ARL15: variants seen among roughly 807,000 people sequenced by gnomAD.
ARL15 encodes ADP-ribosylation factor-like protein 15.
A neutral mutation model predicts 25.2 loss-of-function variants in ARL15; 19 were observed. The observed-to-expected ratio is 0.75, with a 90% CI of 0.53 to 1.10. The LOEUF (loss-of-function observed/expected upper bound fraction) is 1.10, where lower values mean the gene tolerates loss of function less well. ARL15 is among the 50% of genes least tolerant of loss of function. The pLI is 0.00. For missense variants in ARL15, 220 were observed against 246.0 expected, an observed-to-expected ratio of 0.89 and a Z score of 0.71; for synonymous variants, 94 against 86.8, an observed-to-expected ratio of 1.08 and a Z score of -0.46.
At chr5:54,014,813 T>A (rs1368767588) in intron 4 of ARL15, among the ~76,000 whole-genome samples, 2 of 151,968 alleles carry the variant, frequency 1.3e-5, no homozygotes, top group African/African-American at 4.8e-5. Flanking sequence ...AGATCGTATA[T>A]AAGCTTCTGA....
chr5:54,190,189 G>A (rs1436535487), intron 1 of ARL15, among the ~76,000 whole-genome samples: 5 of 152,010 alleles, frequency 3.3e-5, no homozygotes, highest in East Asian at 1.9e-4. Flanking sequence ...TCAGGAGTTC[G>A]AGACCAGCCT....
At chr5:53,993,567 C>A in intron 4 of ARL15, among the ~76,000 whole-genome samples, 1 of 152,116 alleles carries the variant, frequency 6.6e-6, no homozygotes, top group East Asian at 1.9e-4. Context: ...CTTTCTGCAC[C>A]TTTTACCTTG....
chr5:54,310,415 C>A lies in ARL15; in HGVS notation c.48+17G>T. 6.2e-7 allele frequency: 1 copy of A among 1,607,436 alleles called. No individual in the cohort carries two copies. The highest frequency in any genetic ancestry group is 8.5e-7 in the Non-Finnish European group (1 of 1,177,104). On this transcript the variant is annotated intron_variant, in intron 1 of 4. Transcript: ENST00000504924. ...CGAGATCCGAGAGGCGACATGCCACCCCTGCCCTGCACCTACCAGATAATC... is the reference window on the plus strand; with the variant it reads ...CGAGATCCGAGAGGCGACATGCCACACCTGCCCTGCACCTACCAGATAATC...
At chr5:53,924,802 T>C (rs907266509) in intron 4 of ARL15, among the ~76,000 whole-genome samples, 4 of 152,200 alleles carry the variant, frequency 2.6e-5, no homozygotes, top group African/African-American at 9.7e-5. Flanking sequence ...CTCTCTTCTT[T>C]TTAATAGCTC....
At chr5:53,898,972 G>A (rs946844047) in intron 4 of ARL15, among the ~76,000 whole-genome samples, 2 of 152,008 alleles carry the variant, frequency 1.3e-5, no homozygotes, top group African/African-American at 4.8e-5. Flanking sequence ...TTTCTGCAAG[G>A]TTGGTAGTTG....
chr5:54,054,618 G>A (rs1205983122), intron 4 of ARL15, among the ~76,000 whole-genome samples: 1 of 151,964 alleles, frequency 6.6e-6, no homozygotes, highest in Non-Finnish European at 1.5e-5. Flanking sequence ...GTGAAACCCC[G>A]TCTCTACTAA....
intron 1 of ARL15, among the ~76,000 whole-genome samples, chr5:54,262,032 C>T (rs1757508747): frequency 6.6e-6 from 1 of 152,096 alleles, no homozygotes; most frequent in Non-Finnish European, 1.5e-5. Flanking sequence ...AAAATATGAA[C>T]ATTTGAAATA....
intron 3 of ARL15, among the ~76,000 whole-genome samples, chr5:54,143,442 T>C (rs1370483123): frequency 1.3e-5 from 2 of 152,036 alleles, no homozygotes; most frequent in African/African-American, 4.8e-5. Context: ...TATCATTTCC[T>C]ATATATATTT....
At chr5:54,281,058 T>G (rs960761011) in intron 1 of ARL15, among the ~76,000 whole-genome samples, 17 of 151,858 alleles carry the variant, frequency 1.1e-4, no homozygotes, top group African/African-American at 4.1e-4. Flanking sequence ...AAAAAGTATA[T>G]AAAGTAAATA....
At chr5:54,226,884 A>G (rs1242064962) in intron 1 of ARL15, among the ~76,000 whole-genome samples, 1 of 152,132 alleles carries the variant, frequency 6.6e-6, no homozygotes, top group Non-Finnish European at 1.5e-5. Context: ...TAACTGAATC[A>G]TGGGGGTGGT....
At chr5:54,062,517 G>GAAAA (rs71577097) in intron 4 of ARL15, among the ~76,000 whole-genome samples, 7 of 113,496 alleles carry the variant, frequency 6.2e-5, no homozygotes, top group Admixed American at 2.8e-4. Context: ...GGTGGTTAAG[G>GAAAA]AAAAAAAAAA....
At chr5:53,904,106 T>C (rs1303970982) in intron 4 of ARL15, among the ~76,000 whole-genome samples, 1 of 152,068 alleles carries the variant, frequency 6.6e-6, no homozygotes, top group African/African-American at 2.4e-5. Context: ...TATAGTTGGG[T>C]TCAAAACAAT....
chr5:54,273,237 G>A (rs982369246), intron 1 of ARL15, among the ~76,000 whole-genome samples: 3 of 152,116 alleles, frequency 2.0e-5, no homozygotes, highest in African/African-American at 4.8e-5. Flanking sequence ...TGAATTTGGG[G>A]TAAAGCCAGA....
intron 4 of ARL15, among the ~76,000 whole-genome samples, chr5:54,081,717 C>T (rs1054657561): frequency 6.6e-6 from 1 of 152,162 alleles, no homozygotes. Context: ...TTTCCTGAGG[C>T]CTCCCCAACT....
At chr5:53,962,195 C>A (rs1159129178) in intron 4 of ARL15, among the ~76,000 whole-genome samples, 1 of 152,092 alleles carries the variant, frequency 6.6e-6, no homozygotes, top group Non-Finnish European at 1.5e-5. Flanking sequence ...TGTACTCTAG[C>A]TAACAGTTGG....
At chr5:54,107,427 G>A (rs1752624182) in intron 4 of ARL15, among the ~76,000 whole-genome samples, 1 of 152,124 alleles carries the variant, frequency 6.6e-6, no homozygotes, top group African/African-American at 2.4e-5. Context: ...AATTACATTC[G>A]ATTCCAGAAG....
chr5:53,927,248 T>G (rs1246135343), intron 4 of ARL15, among the ~76,000 whole-genome samples: 1 of 152,168 alleles, frequency 6.6e-6, no homozygotes, highest in Admixed American at 6.5e-5. Context: ...ATCAGCTTCA[T>G]GTTTCTGAAG....
intron 4 of ARL15, among the ~76,000 whole-genome samples, chr5:54,063,776 A>G (rs1751135519): frequency 6.6e-6 from 1 of 152,284 alleles, no homozygotes; most frequent in East Asian, 1.9e-4. Context: ...ACAAATTACC[A>G]CTTCCATGTC....
At chr5:53,972,712 G>A (rs756912497) in intron 4 of ARL15, among the ~76,000 whole-genome samples, 2 of 152,024 alleles carry the variant, frequency 1.3e-5, no homozygotes, top group African/African-American at 2.4e-5. Flanking sequence ...CGAGATCACC[G>A]GTCAAGGCAT....
Sources: allele counts gnomAD v4.1 joint callset (sites outside exome capture counted in the v4.1 genomes callset), GRCh38; gene constraint gnomAD v4.1.1; transcripts MANE v1.5; gene names NCBI Gene and HGNC (gene_info 2026-07-23, HGNC 2026-07-21).